The following DNM3 variants were observed in gnomAD, a reference collection of about 807,000 sequenced individuals.
DNM3 encodes dynamin-3.
DNM3 carries 47 observed loss-of-function variants against 101.6 expected under a neutral mutation model. The observed-to-expected ratio is 0.46, with a 90% CI of 0.37 to 0.59. The LOEUF (loss-of-function observed/expected upper bound fraction) is 0.59. DNM3 is among the 20% of genes least tolerant of loss of function. DNM3 has a pLI of 0.00. For synonymous variants in DNM3, 385 were observed against 387.9 expected (o/e 0.99, Z 0.09); for missense variants, 849 against 1,085.7 (o/e 0.78, Z 3.06).
At chr1:171,936,963 G>A (rs1455586321) in intron 2 of DNM3, among the ~76,000 whole-genome samples, 1 of 67,808 alleles carries the variant, frequency 1.5e-5, no homozygotes, top group Admixed American at 1.5e-4. Context: ...GAGCAAAAGG[G>A]AAGAGATGGA....
chr1:172,048,164 A>T (rs1198747302), intron 9 of DNM3, among the ~76,000 whole-genome samples: 6 of 151,892 alleles, frequency 4.0e-5, no homozygotes, highest in African/African-American at 1.5e-4. Flanking sequence ...TTAATTCATA[A>T]CTCCCCTTAC....
At chr1:172,275,611 C>T in intron 15 of DNM3, among the ~76,000 whole-genome samples, 1 of 151,942 alleles carries the variant, frequency 6.6e-6, no homozygotes, top group African/African-American at 2.4e-5. Flanking sequence ...TTTCACATGG[C>T]TCAACTGGTC....
chr1:171,849,870 G>A (rs1260278552), intron 1 of DNM3, among the ~76,000 whole-genome samples: 2 of 152,156 alleles, frequency 1.3e-5, no homozygotes, highest in Admixed American at 6.5e-5. Flanking sequence ...GTGAGTACTA[G>A]AAATTAATGA....
chr1:171,944,632 C>T (rs12047831), intron 2 of DNM3, among the ~76,000 whole-genome samples: 1 of 152,026 alleles, frequency 6.6e-6, no homozygotes, highest in East Asian at 1.9e-4. Flanking sequence ...CCTTGGCTTC[C>T]CAAAGTGCTG....
At chr1:172,122,922 A>G (rs1458158338) in intron 13 of DNM3, among the ~76,000 whole-genome samples, 1 of 152,180 alleles carries the variant, frequency 6.6e-6, no homozygotes, top group Non-Finnish European at 1.5e-5. Context: ...CTTCCCTCAC[A>G]GAATTATTAT....
At chr1:172,353,758 T>A (rs1222028557) in intron 17 of DNM3, among the ~76,000 whole-genome samples, 1 of 152,174 alleles carries the variant, frequency 6.6e-6, no homozygotes, top group African/African-American at 2.4e-5. Context: ...TCTACTTATA[T>A]CATGAAGCTG....
At chr1:171,934,791 A>G (rs887724434) in intron 2 of DNM3, among the ~76,000 whole-genome samples, 7 of 152,190 alleles carry the variant, frequency 4.6e-5, no homozygotes, top group Non-Finnish European at 8.8e-5. Flanking sequence ...AAAGTCTTAT[A>G]AAGAGATTGG....
At chr1:171,890,345 C>T (rs1189858930) in intron 1 of DNM3, among the ~76,000 whole-genome samples, 11 of 152,072 alleles carry the variant, frequency 7.2e-5, no homozygotes, top group Admixed American at 2.6e-4. Context: ...CATTTCTGGC[C>T]AAGCAGAAAA....
At chr1:172,275,746 T>A (rs1225008046) in intron 15 of DNM3, among the ~76,000 whole-genome samples, 3 of 152,114 alleles carry the variant, frequency 2.0e-5, no homozygotes, top group South Asian at 4.1e-4. Context: ...CTGGCTCCCA[T>A]GAAAACATCT....
chr1:172,094,074 G>A (rs1052073854), intron 13 of DNM3, among the ~76,000 whole-genome samples: 1 of 152,076 alleles, frequency 6.6e-6, no homozygotes. Flanking sequence ...ATGCTATGTT[G>A]TTATGAGGTG....
intron 1 of DNM3, among the ~76,000 whole-genome samples, chr1:171,847,879 ACTCT>A (rs141950487): frequency 0.29 from 39,907 of 139,182 alleles, 5,780 homozygotes; most frequent in Non-Finnish European, 0.33. Context: ...CATATTAATT[ACTCT>A]CTCTCTCTCT....
At chr1:171,884,552 A>G (rs1014839596) in intron 1 of DNM3, among the ~76,000 whole-genome samples, 1 of 152,214 alleles carries the variant, frequency 6.6e-6, no homozygotes, top group Admixed American at 6.5e-5. Context: ...GCTTAGAACA[A>G]TAGCCATTAA....
At chr1:172,312,738 A>G (rs1573416509) in intron 16 of DNM3, among the ~76,000 whole-genome samples, 2 of 152,358 alleles carry the variant, frequency 1.3e-5, no homozygotes, top group South Asian at 2.1e-4. Context: ...TAAAAAGATG[A>G]AATTCCTACT....
intron 14 of DNM3, among the ~76,000 whole-genome samples, chr1:172,151,973 T>G (rs2058147285): frequency 6.6e-6 from 1 of 152,128 alleles, no homozygotes; most frequent in African/African-American, 2.4e-5. Context: ...CCTCCTGGGC[T>G]CAAGTGATAC....
At chr1:172,290,794 C>T (rs775874113) in intron 15 of DNM3, among the ~76,000 whole-genome samples, 1 of 151,992 alleles carries the variant, frequency 6.6e-6, no homozygotes, top group Non-Finnish European at 1.5e-5. Flanking sequence ...GGAAGATTAC[C>T]ACTGGAGAAA....
chr1:172,289,610 C>T lies in DNM3; in HGVS notation c.1770-19118C>T, dbSNP rs182187364. 6.9e-4 allele frequency: 669 copies of T among 967,570 alleles called. 1 individual carries two copies. Among genetic ancestry groups the T allele is most frequent in the Non-Finnish European group, 7.7e-4 (628 of 813,816 alleles). 59.9% of individuals were successfully genotyped at this position (967,570 alleles called of 1,614,324 possible). Reference sequence around the variant, plus strand: ...TAAAATATTATATTCTTCTTTGCTTCGTTTTATAATTTTCCAACTTGCTCA... The same window carrying T: ...TAAAATATTATATTCTTCTTTGCTTTGTTTTATAATTTTCCAACTTGCTCA... On this transcript the variant is annotated intron_variant, in intron 15 of 20. Coordinates refer to ENST00000627582, the MANE Select transcript of DNM3 (RefSeq NM_015569.5).
intron 15 of DNM3, among the ~76,000 whole-genome samples, chr1:172,270,163 T>G (rs1479625314): frequency 6.6e-6 from 1 of 152,020 alleles, no homozygotes; most frequent in East Asian, 1.9e-4. Context: ...ATGGCATCTC[T>G]GGCAGCCATA....
intron 17 of DNM3, among the ~76,000 whole-genome samples, chr1:172,343,561 A>G (rs758954451): frequency 9.2e-5 from 14 of 152,184 alleles, no homozygotes; most frequent in Admixed American, 2.6e-4. Context: ...ACTCGAGCCC[A>G]TGTTGCTTTT....
At chr1:171,850,055 A>G (rs1466158884) in intron 1 of DNM3, among the ~76,000 whole-genome samples, 1 of 152,214 alleles carries the variant, frequency 6.6e-6, no homozygotes, top group Non-Finnish European at 1.5e-5. Flanking sequence ...GCAGGCAAAG[A>G]TGGTGTAGAA....
Sources: gnomAD v4.1 joint callset for allele counts (sites outside exome capture counted in the v4.1 genomes callset) on GRCh38, gnomAD v4.1.1 for gene constraint, MANE v1.5 for transcripts, NCBI Gene and HGNC (gene_info 2026-07-23, HGNC 2026-07-21) for gene names.